The following FYB1 variants were observed in gnomAD, a reference collection of about 807,000 sequenced individuals.
FYB1 encodes the protein FYN binding protein 1.
Under a neutral mutation model 94.1 loss-of-function variants are expected in FYB1, and 41 were observed. The ratio of observed to expected loss-of-function variants is 0.44; its 90% confidence interval spans 0.34 to 0.57. FYB1 has a LOEUF of 0.57. Ranked by LOEUF, FYB1 falls within the 20% of genes least tolerant of loss-of-function variation. The pLI is 0.02. For synonymous variants in FYB1, 367 were observed against 353.2 expected (o/e 1.04, Z -0.44); for missense variants, 1,050 against 976.8 (o/e 1.07, Z -1.00).
At chr5:39,146,673 T>C (rs759670913) in intron 3 of FYB1, among the ~76,000 whole-genome samples, 10 of 152,214 alleles carry the variant, frequency 6.6e-5, no homozygotes, top group Non-Finnish European at 1.3e-4. Flanking sequence ...GAAGGGTATT[T>C]GCATAGCACA....
chr5:39,150,510 C>T (rs1743150772), intron 3 of FYB1, among the ~76,000 whole-genome samples: 1 of 152,030 alleles, frequency 6.6e-6, no homozygotes, highest in African/African-American at 2.4e-5. Flanking sequence ...AAAGTGTTGC[C>T]CAATTTTAGA....
At chr5:39,159,367 T>C (rs558193051) in intron 2 of FYB1, among the ~76,000 whole-genome samples, 1 of 152,304 alleles carries the variant, frequency 6.6e-6, no homozygotes, top group South Asian at 2.1e-4. Context: ...TCTGTATTGG[T>C]GAACTCTGCA....
rs57419075 is a variant in FYB1, at chr5:39,130,548, G to A, written c.1840+42C>T. 475 of 1,485,958 alleles carry A rather than the reference G, an allele frequency of 3.2e-4. 1 individual carries two copies. The African/African-American group carries it at 5.9e-3, about 18-fold the overall frequency. The allele number at this position is 1,485,958 out of a possible 1,614,324, so 92.0% of individuals were successfully genotyped here. ...GCTCCATAAATACATGCCAATATATGTATCAATTGTAAAATGTCATTTTAA... is the reference window on the plus strand; with the variant it reads ...GCTCCATAAATACATGCCAATATATATATCAATTGTAAAATGTCATTTTAA... On this transcript the variant is annotated intron_variant, in intron 10 of 18. Coordinates refer to ENST00000512982, the MANE Select transcript of FYB1 (RefSeq NM_001465.6).
intron 1 of FYB1, among the ~76,000 whole-genome samples, chr5:39,238,472 TCAATTTTTTTG>T (rs1414787099): frequency 1.3e-5 from 2 of 152,018 alleles, no homozygotes; most frequent in African/African-American, 4.8e-5. Flanking sequence ...TAAGGTGAGA[TCAATTTTTTTG>T]CAGTACTTTT....
In FYB1 at chr5:39,134,672, C is replaced by T. The variant is rs551216885; in HGVS notation, c.1675+183G>A. Among the ~76,000 whole-genome samples the T allele has an allele frequency of 9.9e-5, 15 of 152,260 alleles. No individual in the cohort carries two copies. The East Asian group carries it at 2.9e-3, about 29-fold the overall frequency. On this transcript the variant is annotated intron_variant, in intron 8 of 18. Transcript: ENST00000512982. The stretch of plus-strand genomic sequence containing the variant: ...TAATATAAAACTGTACGTTGTTTCC[C>T]ACAATATAGATAACAGATGAGGTGA...
At chr5:39,127,931 C>T in intron 10 of FYB1, 124 bp from the exon 11 acceptor site, 1 of 861,710 alleles carries the variant, frequency 1.2e-6, no homozygotes, top group Admixed American at 3.9e-5. Context: ...TCATGTAAAC[C>T]ATTTAAATAA....
At chr5:39,169,291 T>C (rs1365609192) in intron 2 of FYB1, 31 of 890,356 alleles carry the variant, frequency 3.5e-5, no homozygotes, top group Admixed American at 6.8e-5. Context: ...AGCCAAGCCA[T>C]ATATATAATC....
At chr5:39,204,755 T>G (rs1210890695) in intron 1 of FYB1, among the ~76,000 whole-genome samples, 2 of 152,208 alleles carry the variant, frequency 1.3e-5, no homozygotes, top group African/African-American at 4.8e-5. Context: ...AGCAAGAGTT[T>G]CTGTCCATAC....
intron 1 of FYB1, among the ~76,000 whole-genome samples, chr5:39,261,204 A>G (rs1752192278): frequency 6.6e-6 from 1 of 151,888 alleles, no homozygotes; most frequent in African/African-American, 2.4e-5. Context: ...GAGGGAACAT[A>G]GAGGATGGGT....
intron 1 of FYB1, among the ~76,000 whole-genome samples, chr5:39,209,608 C>T (rs1749176056): frequency 6.6e-6 from 1 of 152,142 alleles, no homozygotes; most frequent in Non-Finnish European, 1.5e-5. Context: ...GGATTACAGG[C>T]GTGAGCCACC....
intron 14 of FYB1, among the ~76,000 whole-genome samples, chr5:39,120,029 A>G (rs1337346915): frequency 6.6e-6 from 1 of 152,196 alleles, no homozygotes; most frequent in Non-Finnish European, 1.5e-5. Context: ...GCTTTTTAAA[A>G]AAGAAGAGTT....
intron 2 of FYB1, among the ~76,000 whole-genome samples, chr5:39,197,856 A>G (rs1295502701): frequency 5.3e-5 from 8 of 152,210 alleles, no homozygotes; most frequent in Non-Finnish European, 1.2e-4. Flanking sequence ...CAGAAATTTC[A>G]TGGACTTCTG....
At chr5:39,117,567 A>T (rs1427637249) in intron 16 of FYB1, among the ~76,000 whole-genome samples, 1 of 152,070 alleles carries the variant, frequency 6.6e-6, no homozygotes, top group Non-Finnish European at 1.5e-5. Flanking sequence ...TTGTACCCAC[A>T]TTCTGTATTT....
At chr5:39,230,912 G>A (rs1484187768) in intron 1 of FYB1, among the ~76,000 whole-genome samples, 1 of 151,434 alleles carries the variant, frequency 6.6e-6, no homozygotes, top group Non-Finnish European at 1.5e-5. Flanking sequence ...TATATTAGTA[G>A]AGTGAATGGA....
intron 2 of FYB1, among the ~76,000 whole-genome samples, chr5:39,156,673 T>G (rs1743792014): frequency 6.6e-6 from 1 of 152,206 alleles, no homozygotes; most frequent in Admixed American, 6.5e-5. Flanking sequence ...CTGCTAGGAA[T>G]ACATTTGCAT....
At position 39,217,797 on chromosome 5, in the gene FYB1, G is replaced by A. The variant is rs187154295; in HGVS notation, c.-28+1646C>T. ...TCTTGTTTTTAGAAATGTTCCTGTA[G>A]AGCAGCCTCTAGTAACACCTCAGAC... On this transcript the variant is annotated intron_variant, in intron 1 of 18. Transcript: ENST00000512982. Among the ~76,000 whole-genome samples the A allele has an allele frequency of 3.9e-3, 597 of 152,304 alleles. 1 individual carries two copies. Among genetic ancestry groups the A allele is most frequent in the Non-Finnish European group, 6.7e-3 (459 of 68,018 alleles).
chr5:39,141,911 A>T lies in FYB1; in HGVS notation c.1293-770T>A, dbSNP rs953947824. On this transcript the variant is annotated intron_variant, in intron 3 of 18. Transcript: ENST00000512982. ...AAAACTTACATAGTTCCAATCCCTG[A>T]CTCCTTCCTTTTCTCCAGATGCTTT... 2.7e-5 allele frequency among the ~76,000 whole-genome samples: 4 copies of T among 150,170 alleles called. No individual in the cohort carries two copies. The East Asian group carries it at 7.8e-4, about 29-fold the overall frequency.
intron 3 of FYB1, among the ~76,000 whole-genome samples, 191 bp from the exon 4 acceptor site, chr5:39,141,332 T>C (rs1742163691): frequency 1.3e-5 from 2 of 152,240 alleles, no homozygotes; most frequent in Admixed American, 6.5e-5. Flanking sequence ...AAATGGAGAA[T>C]TGGGAAACTG....
chr5:39,227,760 G>A (rs989869757), intron 1 of FYB1, among the ~76,000 whole-genome samples: 4 of 152,072 alleles, frequency 2.6e-5, no homozygotes, highest in Non-Finnish European at 4.4e-5. Flanking sequence ...GTAGGCCTTT[G>A]GTTTGCAATC....
Sources: allele counts gnomAD v4.1 joint callset (sites outside exome capture counted in the v4.1 genomes callset), GRCh38; gene constraint gnomAD v4.1.1; transcripts MANE v1.5; gene names NCBI Gene and HGNC (gene_info 2026-07-23, HGNC 2026-07-21).